Variants in SPICE1 observed in about 807,000 individuals in gnomAD.
SPICE1 encodes the protein spindle and centriole associated protein 1.
A neutral mutation model predicts 102.7 loss-of-function variants in SPICE1; 75 were observed. That is an observed-to-expected ratio of 0.73 (90% CI 0.61 to 0.88). The LOEUF (loss-of-function observed/expected upper bound fraction) is 0.88. Among genes scored for constraint, SPICE1 ranks in the 40% least tolerant of loss-of-function variants. The probability of loss-of-function intolerance (pLI) is 0.00; values close to 1 mark genes in which losing one functional copy is unlikely to be tolerated. For synonymous variants in SPICE1, 308 were observed against 350.3 expected (o/e 0.88, Z 1.35); for missense variants, 979 against 1,020.1 (o/e 0.96, Z 0.55).
Position 113,506,566 on chromosome 3 carries a change from C to G in SPICE1, c.40G>C (p.Gly14Arg). 1 of 1,613,128 alleles carries G rather than the reference C, an allele frequency of 6.2e-7. No homozygotes were observed. Among genetic ancestry groups the G allele is most frequent in the Non-Finnish European group, 8.5e-7 (1 of 1,179,732 alleles). ...VRVNRCGPRV[G>R]VRKTPKVKKK... is the part of the protein sequence containing the mutation. ...TTTACTTTCGGTGTCTTTCTTACAC[C>G]AACTCGGGGACCACAGCGGTTCACT... is the stretch of plus-strand genomic sequence containing the variant. Residue 14 changes from glycine to arginine, a missense_variant, in exon 2 of 18, where the codon GGT becomes CGT. Physicochemically the swap from Gly to Arg is moderately radical, Grantham distance 125. Transcript: ENST00000295872.
In SPICE1 at chr3:113,459,612, G is replaced by A. The variant is rs145135277; in HGVS notation, c.1435+1005C>T. 9.0e-4 allele frequency: 884 copies of A among 985,066 alleles called. 2 individuals are homozygous for A. Among genetic ancestry groups the A allele is most frequent in the Admixed American group, 2.2e-3 (36 of 16,278 alleles). The allele number at this position is 985,066 out of a possible 1,614,324, so 61.0% of individuals were successfully genotyped here. The stretch of plus-strand genomic sequence containing the variant: ...ATTAATAGCAAGACTTGCCAGGTGC[G>A]GTGGCTCACGCCTGTAATCCCAACA... On this transcript the variant is annotated intron_variant, in intron 12 of 17. Coordinates refer to ENST00000295872, the MANE Select transcript of SPICE1 (RefSeq NM_144718.4).
intron 3 of SPICE1, among the ~76,000 whole-genome samples, chr3:113,499,897 G>A (rs1936975144): frequency 2.0e-5 from 3 of 152,032 alleles, no homozygotes; most frequent in Non-Finnish European, 4.4e-5. Flanking sequence ...TCACTTAATG[G>A]ATGATAAAAT....
rs765988207 is a variant in SPICE1 at position 113,450,464 on chromosome 3, G to C, written c.2195C>G (p.Ala732Gly). ...LTPGSMEERI[A>G]ELNRQSMEAR... ...CTCCATACTTTGTCGATTCAATTCT[G>C]CAATCCGTTCCTCCATACTACCTGG... Residue 732 changes from alanine to glycine, a missense_variant, in exon 15 of 18, where the codon GCA (alanine) becomes GGA (glycine). By Grantham distance (60) the Ala-to-Gly change is moderately conservative. Transcript: ENST00000295872. 6.2e-7 allele frequency: 1 copy of C among 1,612,716 alleles called. No individual in the cohort carries two copies. Among genetic ancestry groups the C allele is most frequent in the Non-Finnish European group, 8.5e-7 (1 of 1,179,892 alleles).
At chr3:113,514,087 G>A (rs891229872) in intron 1 of SPICE1, among the ~76,000 whole-genome samples, 1 of 152,198 alleles carries the variant, frequency 6.6e-6, no homozygotes, top group African/African-American at 2.4e-5. Flanking sequence ...AGAAGCAGGG[G>A]AAAGAATATT....
intron 7 of SPICE1, among the ~76,000 whole-genome samples, chr3:113,483,881 G>A (rs924010446): frequency 3.3e-5 from 5 of 152,140 alleles, no homozygotes; most frequent in Admixed American, 6.5e-5. Context: ...TCAGGATGAT[G>A]CTGGCCTCAT....
intron 7 of SPICE1, among the ~76,000 whole-genome samples, chr3:113,470,197 A>T (rs71319368): frequency 2.6e-5 from 4 of 152,228 alleles, no homozygotes; most frequent in Non-Finnish European, 5.9e-5. Context: ...CAAAGAGATA[A>T]ATGGTGGGAA....
At chr3:113,484,831 G>C (rs1936606523) in intron 7 of SPICE1, among the ~76,000 whole-genome samples, 3 of 152,154 alleles carry the variant, frequency 2.0e-5, no homozygotes, top group African/African-American at 7.2e-5. Flanking sequence ...TGAGAAGAAT[G>C]TATATTCTGT....
intron 14 of SPICE1, 116 bp from the exon 15 acceptor site, chr3:113,450,632 A>G: frequency 9.5e-7 from 1 of 1,050,000 alleles, no homozygotes; most frequent in East Asian, 2.7e-5. Flanking sequence ...GCTGGAGTGC[A>G]GTGGCGCTAT....
chr3:113,501,524 A>C (rs949652081), intron 3 of SPICE1, among the ~76,000 whole-genome samples: 8 of 152,206 alleles, frequency 5.3e-5, no homozygotes, highest in Admixed American at 5.2e-4. Context: ...CTGATTAGGA[A>C]CTCAAATCCA....
At chr3:113,476,006 C>T (rs1258913241) in intron 7 of SPICE1, among the ~76,000 whole-genome samples, 2 of 152,188 alleles carry the variant, frequency 1.3e-5, no homozygotes, top group East Asian at 3.8e-4. Context: ...TCCCTGTTTG[C>T]AGATGACATG....
In SPICE1 at chr3:113,481,633, G is replaced by A. The variant is rs146400235; in HGVS notation, c.611+7312C>T. Among the ~76,000 whole-genome samples the A allele has an allele frequency of 5.5e-3, 822 of 149,818 alleles. 10 individuals carry two copies. The highest frequency in any genetic ancestry group is 0.019 in the African/African-American group (788 of 40,616). ...CTCCCTGTGTCCGTGTGTTCTCATT[G>A]TTCAACTCCCACTTATGAGTAAGAA... On this transcript the variant is annotated intron_variant, in intron 7 of 17. Coordinates refer to ENST00000295872, the MANE Select transcript of SPICE1 (RefSeq NM_144718.4).
At chr3:113,478,673 C>A (rs1936418276) in intron 7 of SPICE1, among the ~76,000 whole-genome samples, 1 of 152,018 alleles carries the variant, frequency 6.6e-6, no homozygotes, top group Admixed American at 6.6e-5. Flanking sequence ...CTTTAATACA[C>A]CATTCTCAGA....
chr3:113,450,286 A>G (rs1228544479), intron 15 of SPICE1, 50 bp downstream of exon 15: 1 of 1,608,468 alleles, frequency 6.2e-7, no homozygotes, highest in Non-Finnish European at 8.5e-7. Flanking sequence ...AATCAAGAAA[A>G]CTGAAAACCT....
intron 6 of SPICE1, among the ~76,000 whole-genome samples, chr3:113,490,921 T>G (rs113981704): frequency 1.3e-5 from 2 of 152,322 alleles, no homozygotes; most frequent in African/African-American, 4.8e-5. Context: ...GGCATGGCTT[T>G]GGGTCAGGCC....
At chr3:113,492,177 A>T (rs1936781673) in intron 6 of SPICE1, among the ~76,000 whole-genome samples, 1 of 152,228 alleles carries the variant, frequency 6.6e-6, no homozygotes, top group Admixed American at 6.5e-5. Context: ...TTTGCCGGAA[A>T]TATGGTAAAA....
chr3:113,513,801 T>A (rs1221699084), intron 1 of SPICE1, among the ~76,000 whole-genome samples: 2 of 152,238 alleles, frequency 1.3e-5, no homozygotes, highest in Non-Finnish European at 2.9e-5. Flanking sequence ...ACTGACTTCA[T>A]CATCCATCTA....
chr3:113,512,409 T>C (rs1294069795), intron 1 of SPICE1, among the ~76,000 whole-genome samples: 1 of 122,290 alleles, frequency 8.2e-6, no homozygotes, highest in Non-Finnish European at 1.7e-5. Flanking sequence ...AGCTTTCTTT[T>C]TTTTTTTTTT....
intron 6 of SPICE1, among the ~76,000 whole-genome samples, chr3:113,491,345 G>A (rs773322578): frequency 1.3e-5 from 2 of 152,122 alleles, no homozygotes; most frequent in Non-Finnish European, 2.9e-5. Context: ...AGCAGGCCGG[G>A]CGTGGTGGCT....
At chr3:113,499,732 T>A (rs1936972168) in intron 3 of SPICE1, 150 bp from the exon 4 acceptor site, 5 of 714,752 alleles carry the variant, frequency 7.0e-6, no homozygotes, top group Non-Finnish European at 1.0e-5. Flanking sequence ...AGCCAAAATT[T>A]TCAGTCCCCT....
Sources: gnomAD v4.1 joint callset for allele counts (sites outside exome capture counted in the v4.1 genomes callset) on GRCh38, gnomAD v4.1.1 for gene constraint, MANE v1.5 for transcripts, NCBI Gene and HGNC (gene_info 2026-07-23, HGNC 2026-07-21) for gene names.